Variants in PCDHA6 observed in about 807,000 individuals in gnomAD.
PCDHA6 encodes protocadherin alpha-6.
A neutral mutation model predicts 60.3 loss-of-function variants in PCDHA6; 55 were observed. The observed-to-expected ratio is 0.91, with a 90% CI of 0.73 to 1.14. The LOEUF is 1.14. Ranked by LOEUF, PCDHA6 falls within the 50% of genes most tolerant of loss-of-function variation. The pLI is 0.00. For synonymous variants in PCDHA6, 652 were observed against 557.9 expected, an observed-to-expected ratio of 1.17 and a Z score of -2.38; for missense variants, 1,327 against 1,256.5, an observed-to-expected ratio of 1.06 and a Z score of -0.85.
At chr5:140,982,217 C>A in intron 2 of PCDHA6, 1 of 507,664 alleles carries the variant, frequency 2.0e-6, no homozygotes, top group Non-Finnish European at 3.1e-6. Flanking sequence ...CGCCACATGG[C>A]GTTAATAAAA....
chr5:140,874,040 T>G (rs1303509988), intron 1 of PCDHA6, among the ~76,000 whole-genome samples: 7 of 152,220 alleles, frequency 4.6e-5, no homozygotes, highest in Admixed American at 4.6e-4. Flanking sequence ...AGAAACTTGG[T>G]GATGATATTA....
At chr5:140,906,124 G>A (rs1399975318) in intron 1 of PCDHA6, among the ~76,000 whole-genome samples, 2 of 151,992 alleles carry the variant, frequency 1.3e-5, no homozygotes, top group Non-Finnish European at 2.9e-5. Flanking sequence ...TGACACAAAT[G>A]TTAGTCTCCT....
intron 1 of PCDHA6, among the ~76,000 whole-genome samples, chr5:140,949,801 C>T (rs964520875): frequency 6.6e-5 from 10 of 151,836 alleles, no homozygotes; most frequent in African/African-American, 2.4e-4. Context: ...TCCTTCAATA[C>T]ATTATTTGCT....
At chr5:140,872,497 C>T (rs1554166232) in intron 1 of PCDHA6, among the ~76,000 whole-genome samples, 1 of 152,150 alleles carries the variant, frequency 6.6e-6, no homozygotes, top group Non-Finnish European at 1.5e-5. Flanking sequence ...CCTAGTGGTG[C>T]ATGCCTGTAG....
At chr5:140,923,104 A>AT (rs2081172107) in intron 1 of PCDHA6, among the ~76,000 whole-genome samples, 1 of 152,194 alleles carries the variant, frequency 6.6e-6, no homozygotes, top group Admixed American at 6.5e-5. Context: ...TGGGAGTATG[A>AT]TTTTAAGTTT....
intron 1 of PCDHA6, chr5:140,876,163 A>AC (rs782492210): frequency 6.2e-7 from 1 of 1,613,966 alleles, no homozygotes; most frequent in South Asian, 1.1e-5. Flanking sequence ...GATTCAAATA[A>AC]CCGTCCTGGA....
At chr5:140,927,502 A>G (rs1554204633) in intron 1 of PCDHA6, 1 of 1,614,134 alleles carries the variant, frequency 6.2e-7, no homozygotes, top group Non-Finnish European at 8.5e-7. Context: ...GCTGGTGCTT[A>G]CAGCTCGGGA....
At chr5:140,873,494 T>C (rs2153295972) in intron 1 of PCDHA6, among the ~76,000 whole-genome samples, 1 of 152,254 alleles carries the variant, frequency 6.6e-6, no homozygotes, top group South Asian at 2.1e-4. Flanking sequence ...TTCTGCAAAG[T>C]TGTGTCTTTT....
chr5:140,928,551 G>C, intron 1 of PCDHA6: 1 of 1,614,164 alleles, frequency 6.2e-7, no homozygotes, highest in Non-Finnish European at 8.5e-7. Context: ...ACAATTATCC[G>C]GTTATCTTGT....
At chr5:140,876,039 T>C in intron 1 of PCDHA6, 1 of 1,613,746 alleles carries the variant, frequency 6.2e-7, no homozygotes, top group Non-Finnish European at 8.5e-7. Context: ...AAGATAAAAG[T>C]ATATTGCCTG....
chr5:140,877,546 G>T, intron 1 of PCDHA6: 4 of 1,613,794 alleles, frequency 2.5e-6, no homozygotes, highest in Non-Finnish European at 3.4e-6. Flanking sequence ...TCCCGAAGCG[G>T]CTCTGGTGGA....
Position 140,851,830 on chromosome 5 carries a change from T to A in PCDHA6, c.2394+21345T>A, listed in dbSNP as rs565233003. The A allele has an allele frequency of 1.6e-4, 153 of 967,896 alleles. 10 individuals carry two copies. In the African/African-American group the frequency reaches 2.0e-3, roughly 13 times the overall value. 60.0% of individuals were successfully genotyped at this position (967,896 alleles called of 1,614,324 possible). On this transcript the variant is annotated intron_variant, in intron 1 of 3. Transcript: ENST00000529310. ...TCCATAAGACAGAAATCTGTTTTTT[T>A]AAAAATATCTTTTTCTCCTCTCAGC...
chr5:141,003,291 G>C (rs1402781511), intron 3 of PCDHA6, among the ~76,000 whole-genome samples: 1 of 152,158 alleles, frequency 6.6e-6, no homozygotes, highest in Non-Finnish European at 1.5e-5. Flanking sequence ...TGGATTATAG[G>C]ATTACATGAA....
chr5:140,887,787 C>T (rs782343895), intron 1 of PCDHA6, among the ~76,000 whole-genome samples: 8 of 152,080 alleles, frequency 5.3e-5, no homozygotes, highest in African/African-American at 9.7e-5. Flanking sequence ...GTCATTGAAG[C>T]GTTCTTTATT....
chr5:140,852,637 A>G (rs2150521055), intron 1 of PCDHA6: 1 of 959,312 alleles, frequency 1.0e-6, no homozygotes, highest in Non-Finnish European at 1.3e-6. Flanking sequence ...AGCTCCTGTC[A>G]TTAAACCTAT....
intron 1 of PCDHA6, chr5:140,841,776 T>C (rs2150322536): frequency 6.2e-7 from 1 of 1,613,906 alleles, no homozygotes; most frequent in Admixed American, 1.7e-5. Flanking sequence ...GACTCTCGGT[T>C]TCCGCTAGAG....
chr5:140,882,748 A>G (rs1562779294), intron 1 of PCDHA6: 1 of 1,614,258 alleles, frequency 6.2e-7, no homozygotes, highest in Non-Finnish European at 8.5e-7. Flanking sequence ...CATCCGATGC[A>G]GATATTGGAG....
At chr5:140,911,952 G>A (rs2075698662) in intron 1 of PCDHA6, among the ~76,000 whole-genome samples, 1 of 152,170 alleles carries the variant, frequency 6.6e-6, no homozygotes, top group South Asian at 2.1e-4. Context: ...ATAAAGGGGA[G>A]GTTACTAAGG....
chr5:140,929,085 G>A, intron 1 of PCDHA6: 1 of 1,614,174 alleles, frequency 6.2e-7, no homozygotes, highest in Non-Finnish European at 8.5e-7. Flanking sequence ...GAAGTAAGAT[G>A]GTTTCAAATC....
Sources: gnomAD v4.1 joint callset for allele counts (sites outside exome capture counted in the v4.1 genomes callset) on GRCh38, gnomAD v4.1.1 for gene constraint, MANE v1.5 for transcripts, NCBI Gene and HGNC (gene_info 2026-07-23, HGNC 2026-07-21) for gene names.